MAGI1: variants seen among roughly 807,000 people sequenced by gnomAD.
The protein encoded by MAGI1 is membrane-associated guanylate kinase, WW and PDZ domain-containing protein 1.
A neutral mutation model predicts 139.9 loss-of-function variants in MAGI1; 58 were observed. That is an observed-to-expected ratio of 0.41 (90% CI 0.34 to 0.52). The LOEUF (loss-of-function observed/expected upper bound fraction) is 0.52, where lower values mean the gene tolerates loss of function less well. Ranked by LOEUF, MAGI1 falls within the 20% of genes least tolerant of loss-of-function variation. MAGI1 has a pLI of 0.12. For synonymous variants in MAGI1, 812 were observed against 737.9 expected, an observed-to-expected ratio of 1.10 and a Z score of -1.63; for missense variants, 1,874 against 1,901.6, an observed-to-expected ratio of 0.99 and a Z score of 0.27.
chr3:65,681,275 G>C (rs1302915630), intron 1 of MAGI1, among the ~76,000 whole-genome samples: 1 of 151,994 alleles, frequency 6.6e-6, no homozygotes, highest in East Asian at 1.9e-4. Flanking sequence ...CAAAGACCTG[G>C]GTCTCATTTA....
rs1159886001 is a variant in MAGI1, at chr3:65,855,615, G to C, written c.313+182381C>G. Among the ~76,000 whole-genome samples, 6 of 120,302 alleles carry C rather than the reference G, an allele frequency of 5.0e-5. 1 individual carries two copies. The highest frequency in any genetic ancestry group is 2.1e-4 in the African/African-American group (6 of 28,956). 78.9% of individuals were successfully genotyped at this position (120,302 alleles called of 152,430 possible). A position where few individuals can be genotyped will look rare whatever the true frequency, so the allele number is the denominator to read the frequency against. ...AGACCTTGGAGGAGACGGGAGATGG[G>C]GAGGAGAGAGGGGAGGGGAAGGGAG... On this transcript the variant is annotated intron_variant, in intron 1 of 22. Transcript: ENST00000402939.
At chr3:65,457,728 C>A (rs369054926) in intron 5 of MAGI1, among the ~76,000 whole-genome samples, 2 of 152,074 alleles carry the variant, frequency 1.3e-5, no homozygotes, top group East Asian at 3.9e-4. Flanking sequence ...TACAGACATA[C>A]AATGTGTAAT....
chr3:65,656,768 T>G (rs979280586), intron 1 of MAGI1, among the ~76,000 whole-genome samples: 3 of 151,976 alleles, frequency 2.0e-5, no homozygotes, highest in Admixed American at 2.0e-4. Flanking sequence ...AGAGGCCAAG[T>G]GGGCAGATCA....
At chr3:65,598,282 C>T in intron 2 of MAGI1, among the ~76,000 whole-genome samples, 1 of 152,160 alleles carries the variant, frequency 6.6e-6, no homozygotes, top group East Asian at 1.9e-4. Context: ...TCCCCATCAC[C>T]CGCATGGCCC....
chr3:65,365,524 T>G (rs1055515787), intron 18 of MAGI1, among the ~76,000 whole-genome samples: 4 of 152,356 alleles, frequency 2.6e-5, no homozygotes, highest in Admixed American at 2.6e-4. Flanking sequence ...TTGTTTGGTA[T>G]CACTCATGAA....
intron 1 of MAGI1, among the ~76,000 whole-genome samples, chr3:65,867,496 C>T (rs527868123): frequency 1.3e-5 from 2 of 152,146 alleles, no homozygotes; most frequent in East Asian, 3.9e-4. Flanking sequence ...GCACTGTGGG[C>T]GGCCGAAGTG....
At chr3:65,437,072 G>A (rs992644195) in intron 10 of MAGI1, 83 bp downstream of exon 10, 16 of 814,152 alleles carry the variant, frequency 2.0e-5, no homozygotes, top group Admixed American at 1.4e-4. Flanking sequence ...TGGGAGTTAC[G>A]AGATTCCACT....
intron 5 of MAGI1, among the ~76,000 whole-genome samples, chr3:65,468,584 C>A (rs79034802): frequency 6.6e-6 from 1 of 151,740 alleles, no homozygotes; most frequent in African/African-American, 2.4e-5. Flanking sequence ...GCCATGTTGG[C>A]CAGGCTGGTC....
intron 5 of MAGI1, chr3:65,469,961 T>C (rs1255272769): frequency 6.8e-6 from 1 of 147,978 alleles, no homozygotes; most frequent in African/African-American, 2.4e-5. Context: ...TTTATTAAAA[T>C]ATTTAAATAT....
chr3:65,656,560 A>G (rs562297497), intron 1 of MAGI1, among the ~76,000 whole-genome samples: 1 of 151,008 alleles, frequency 6.6e-6, no homozygotes, highest in East Asian at 2.0e-4. Flanking sequence ...AAGGAAAAAG[A>G]ACACTTGAAA....
rs922124555 is a variant in MAGI1 at position 65,799,138 on chromosome 3, G to A, written c.314-177050C>T. 1.8e-4 allele frequency among the ~76,000 whole-genome samples: 27 copies of A among 152,152 alleles called. 1 individual carries two copies. On this transcript the variant is annotated intron_variant, in intron 1 of 22. Transcript: ENST00000402939. ...GCAAAGAAAAAAATCATATGCTGAG[G>A]TTGCTGAGCTCTATAGTATTCTATC...
chr3:66,020,777 T>C (rs572638362), intron 1 of MAGI1, among the ~76,000 whole-genome samples: 4 of 152,126 alleles, frequency 2.6e-5, no homozygotes. Context: ...CCACCCTGCA[T>C]AAAATACTCA....
rs776041030 is a variant in MAGI1 at position 65,355,684 on chromosome 3, A to T, written c.*694T>A. On this transcript the variant is annotated 3_prime_UTR_variant, in exon 23 of 23. Coordinates refer to ENST00000402939, the MANE Select transcript of MAGI1 (RefSeq NM_001033057.2). ...GGCTGTATTTGAGTAAAAGTGGCCG[A>T]CATTTTTGTCTGTGTGCCTTCCTGG... The T allele has an allele frequency of 5.2e-5, 8 of 152,654 alleles. No individual in the cohort carries two copies. The highest frequency in any genetic ancestry group is 1.0e-4 in the Non-Finnish European group (7 of 68,052). 9.5% of individuals were successfully genotyped at this position (152,654 alleles called of 1,614,324 possible).
At chr3:65,446,900 T>C (rs1406282676) in intron 7 of MAGI1, among the ~76,000 whole-genome samples, 1 of 152,162 alleles carries the variant, frequency 6.6e-6, no homozygotes, top group Non-Finnish European at 1.5e-5. Flanking sequence ...ACAGACAGGT[T>C]CCAAATGTTA....
intron 1 of MAGI1, among the ~76,000 whole-genome samples, chr3:65,872,481 C>A (rs777361566): frequency 3.9e-5 from 6 of 152,104 alleles, no homozygotes; most frequent in Non-Finnish European, 5.9e-5. Context: ...CTGGAGGCCA[C>A]AAACACACAC....
At chr3:65,983,740 A>G (rs1490549881) in intron 1 of MAGI1, among the ~76,000 whole-genome samples, 13 of 152,220 alleles carry the variant, frequency 8.5e-5, no homozygotes, top group Non-Finnish European at 2.9e-5. Flanking sequence ...TAGAGAGAAC[A>G]TTAGTTGACA....
At chr3:65,689,520 A>G (rs2088383957) in intron 1 of MAGI1, among the ~76,000 whole-genome samples, 1 of 152,208 alleles carries the variant, frequency 6.6e-6, no homozygotes. Context: ...ACAATAATAA[A>G]ATATCCTTCG....
intron 1 of MAGI1, among the ~76,000 whole-genome samples, chr3:65,851,895 A>T (rs769166935): frequency 6.6e-6 from 1 of 152,262 alleles, no homozygotes; most frequent in Non-Finnish European, 1.5e-5. Context: ...TTTAGAACAT[A>T]TGCATCATAA....
Position 65,580,560 on chromosome 3 carries a change from T to G in MAGI1, c.430+41412A>C, listed in dbSNP as rs1230394958. On this transcript the variant is annotated intron_variant, in intron 2 of 22. Coordinates refer to ENST00000402939, the MANE Select transcript of MAGI1 (RefSeq NM_001033057.2). ...CCTAACACAGGTTATTTTTTTCAAT[T>G]AACAAGTCACGCAAACACCAGGACA... Among the ~76,000 whole-genome samples the G allele has an allele frequency of 3.9e-5, 6 of 152,150 alleles. No homozygotes were observed. In the East Asian group the frequency reaches 1.2e-3, roughly 29 times the overall value.
Sources: allele counts gnomAD v4.1 joint callset (sites outside exome capture counted in the v4.1 genomes callset), GRCh38; gene constraint gnomAD v4.1.1; transcripts MANE v1.5; gene names NCBI Gene and HGNC (gene_info 2026-07-23, HGNC 2026-07-21).